The following PAPSS2 variants were observed in gnomAD, a reference collection of about 807,000 sequenced individuals.
PAPSS2 encodes bifunctional 3'-phosphoadenosine 5'-phosphosulfate synthase 2.
A neutral mutation model predicts 66.5 loss-of-function variants in PAPSS2; 61 were observed. The ratio of observed to expected loss-of-function variants is 0.92; its 90% CI spans 0.75 to 1.14. The LOEUF (loss-of-function observed/expected upper bound fraction) is 1.14, where lower values mean the gene tolerates loss of function less well. PAPSS2 is among the 50% of genes most tolerant of loss of function. PAPSS2 has a pLI of 0.00. For synonymous variants in PAPSS2, 289 were observed against 287.5 expected, an observed-to-expected ratio of 1.01 and a Z score of -0.05; for missense variants, 708 against 789.6, an observed-to-expected ratio of 0.90 and a Z score of 1.24.
At chr10:87,714,914 C>T (rs1328318132) in intron 5 of PAPSS2, 51 bp downstream of exon 5, 3 of 1,410,944 alleles carry the variant, frequency 2.1e-6, no homozygotes, top group Non-Finnish European at 3.0e-6. Context: ...TCATGAAAGA[C>T]AATCTATGCC....
intron 1 of PAPSS2, among the ~76,000 whole-genome samples, chr10:87,706,759 AAAC>A (rs760847942): frequency 2.6e-5 from 4 of 151,958 alleles, no homozygotes; most frequent in East Asian, 1.9e-4. Context: ...TCCCTGTCTC[AAAC>A]AACAACAACA....
chr10:87,718,320 G>A (rs759285930), intron 7 of PAPSS2, among the ~76,000 whole-genome samples: 1 of 152,004 alleles, frequency 6.6e-6, no homozygotes, highest in Non-Finnish European at 1.5e-5. Context: ...TGTGAGCCAC[G>A]GTACCCTGCC....
At chr10:87,722,923 A>G (rs1692786080) in intron 8 of PAPSS2, among the ~76,000 whole-genome samples, 1 of 152,230 alleles carries the variant, frequency 6.6e-6, no homozygotes, top group Non-Finnish European at 1.5e-5. Context: ...ACAACCTGCC[A>G]GAGTGTTATT....
At chr10:87,727,568 C>A in intron 9 of PAPSS2, 79 bp downstream of exon 9, 1 of 1,232,486 alleles carries the variant, frequency 8.1e-7, no homozygotes, top group Non-Finnish European at 1.2e-6. Context: ...AATTCCTTTG[C>A]AAAGGACTTA....
intron 9 of PAPSS2, among the ~76,000 whole-genome samples, chr10:87,731,484 T>C (rs1433863460): frequency 6.6e-6 from 1 of 152,222 alleles, no homozygotes; most frequent in Non-Finnish European, 1.5e-5. Flanking sequence ...TCAGGTCTTA[T>C]TGTTTAAGAA....
chr10:87,734,663 G>GTACACACATATA (rs1554867987), intron 9 of PAPSS2, among the ~76,000 whole-genome samples: 1 of 81,098 alleles, frequency 1.2e-5, no homozygotes, highest in Non-Finnish European at 2.2e-5. Context: ...GAATGTGTGT[G>GTACACACATATA]TATATATATA....
chr10:87,706,048 A>G (rs756482219), intron 1 of PAPSS2, among the ~76,000 whole-genome samples: 1 of 133,420 alleles, frequency 7.5e-6, no homozygotes, highest in Non-Finnish European at 1.6e-5. Context: ...TCTTTTTATT[A>G]CTGAGTTGCC....
At chr10:87,685,403 T>C (rs1380868241) in intron 1 of PAPSS2, among the ~76,000 whole-genome samples, 1 of 152,214 alleles carries the variant, frequency 6.6e-6, no homozygotes, top group Non-Finnish European at 1.5e-5. Flanking sequence ...TTTAGAAAAT[T>C]GTCAGGCTGA....
intron 1 of PAPSS2, among the ~76,000 whole-genome samples, chr10:87,689,667 C>CAAAAAAAAAA (rs536306316): frequency 1.3e-5 from 1 of 74,632 alleles, no homozygotes; most frequent in Non-Finnish European, 3.0e-5. Context: ...AACCTTGTCT[C>CAAAAAAAAAA]AAAAAAAAAA....
At chr10:87,727,246 ATATCT>A (rs1853669920) in intron 8 of PAPSS2, 33 bp from the exon 9 acceptor site, 2 of 1,540,416 alleles carry the variant, frequency 1.3e-6, no homozygotes, top group Admixed American at 1.7e-5. Context: ...GGCACACCTT[ATATCT>A]AGTTTTCGTG....
At chr10:87,723,959 C>G (rs1372560773) in intron 8 of PAPSS2, among the ~76,000 whole-genome samples, 1 of 152,118 alleles carries the variant, frequency 6.6e-6, no homozygotes, top group African/African-American at 2.4e-5. Flanking sequence ...ATTCACCTTC[C>G]TTTCATTCTC....
chr10:87,738,429 G>A lies in PAPSS2; in HGVS notation c.1087-2806G>A, dbSNP rs530460431. 4.1e-3 allele frequency among the ~76,000 whole-genome samples: 628 copies of A among 151,892 alleles called. 19 individuals carry two copies. Among genetic ancestry groups the A allele is most frequent in the Admixed American group, 0.038 (576 of 15,248 alleles). On this transcript the variant is annotated intron_variant, in intron 9 of 12. Transcript: ENST00000456849. ...TCTGTGTGTGTGTATGTGTGTGTGTGTGTGTGTGTGTCTCTGTCACCCAGG... is the reference window on the plus strand; with the variant it reads ...TCTGTGTGTGTGTATGTGTGTGTGTATGTGTGTGTGTCTCTGTCACCCAGG...
intron 2 of PAPSS2, among the ~76,000 whole-genome samples, chr10:87,710,439 C>G (rs535854758): frequency 1.5e-4 from 23 of 152,284 alleles, no homozygotes; most frequent in South Asian, 2.1e-4. Context: ...TCAACTCCCC[C>G]CAAGAGACGT....
At chr10:87,714,714 A>C in intron 4 of PAPSS2, 31 bp from the exon 5 acceptor site, 1 of 1,151,776 alleles carries the variant, frequency 8.7e-7, no homozygotes. Flanking sequence ...GTCAATACAG[A>C]TGCGATGATT....
At chr10:87,736,162 G>C (rs1415453412) in intron 9 of PAPSS2, among the ~76,000 whole-genome samples, 1 of 151,742 alleles carries the variant, frequency 6.6e-6, no homozygotes, top group East Asian at 1.9e-4. Context: ...GTGACTAGGA[G>C]AGACACAGCT....
At chr10:87,688,952 T>C (rs1853126976) in intron 1 of PAPSS2, among the ~76,000 whole-genome samples, 1 of 143,064 alleles carries the variant, frequency 7.0e-6, no homozygotes, top group Admixed American at 7.1e-5. Flanking sequence ...GATGGATAAA[T>C]TTAACTACCT....
chr10:87,689,950 T>C (rs1485098505), intron 1 of PAPSS2, among the ~76,000 whole-genome samples: 2 of 152,216 alleles, frequency 1.3e-5, no homozygotes, highest in African/African-American at 4.8e-5. Flanking sequence ...TGATATACTC[T>C]GTGGCAATGC....
intron 1 of PAPSS2, among the ~76,000 whole-genome samples, chr10:87,706,328 A>C (rs913784515): frequency 8.6e-5 from 13 of 151,584 alleles, no homozygotes; most frequent in African/African-American, 3.2e-4. Flanking sequence ...ATAATCAAGT[A>C]AACTGATTTT....
Position 87,701,210 on chromosome 10 carries a change from GT to G in PAPSS2, c.28-7981del, listed in dbSNP as rs762647569. Among the ~76,000 whole-genome samples the G allele has an allele frequency of 1.1e-4, 16 of 150,594 alleles. No homozygotes were observed. In the East Asian group the frequency reaches 2.7e-3, roughly 26 times the overall value. ...ATAGAAAAAAGAAGCACCAAAATAT[GT>G]TTTTATTTATATAATAATTTTCTTT... On this transcript the variant is annotated intron_variant, in intron 1 of 12. Coordinates refer to ENST00000456849, the MANE Select transcript of PAPSS2 (RefSeq NM_001015880.2).
Sources: allele counts gnomAD v4.1 joint callset (sites outside exome capture counted in the v4.1 genomes callset), GRCh38; gene constraint gnomAD v4.1.1; transcripts MANE v1.5; gene names NCBI Gene and HGNC (gene_info 2026-07-23, HGNC 2026-07-21).